The following CYFIP2 variants were observed in gnomAD, a reference collection of about 807,000 sequenced individuals.
CYFIP2 encodes the protein cytoplasmic FMR1-interacting protein 2.
Under a neutral mutation model 158.7 loss-of-function variants are expected in CYFIP2, and 29 were observed. The ratio of observed to expected loss-of-function variants is 0.18; its 90% CI spans 0.14 to 0.25. CYFIP2 has a LOEUF of 0.25. Ranked by LOEUF, CYFIP2 falls within the 10% of genes least tolerant of loss-of-function variation. The probability of loss-of-function intolerance (pLI) is 1.00; values close to 1 mark genes in which losing one functional copy is unlikely to be tolerated. For synonymous variants in CYFIP2, 585 were observed against 617.6 expected (o/e 0.95, Z 0.78); for missense variants, 852 against 1,639.5 (o/e 0.52, Z 8.29).
chr5:157,367,751 CTT>C (rs373446663), intron 26 of CYFIP2, among the ~76,000 whole-genome samples: 61 of 123,564 alleles, frequency 4.9e-4, no homozygotes, highest in Middle Eastern at 4.8e-3. Context: ...CCTCTGTTCA[CTT>C]TTTTTTTTTT....
rs190803439 is a variant in CYFIP2, at chr5:157,299,048, G to A, written c.388-1667G>A. On this transcript the variant is annotated intron_variant, in intron 5 of 30. Coordinates refer to ENST00000620254, the MANE Select transcript of CYFIP2 (RefSeq NM_001037333.3). ...TCGTTCACGTACAAGTATTTGTGTG[G>A]ACGTATGTTTTCATGTCTCTCAAGT... Among the ~76,000 whole-genome samples, 925 of 152,236 alleles carry A rather than the reference G, an allele frequency of 6.1e-3. 8 individuals carry two copies. The highest frequency in any genetic ancestry group is 0.011 in the Admixed American group (167 of 15,292).
At chr5:157,267,939 G>C (rs1252795400) in intron 1 of CYFIP2, among the ~76,000 whole-genome samples, 1 of 152,238 alleles carries the variant, frequency 6.6e-6, no homozygotes, top group Non-Finnish European at 1.5e-5. Context: ...GAGTGTGTAT[G>C]CATGCATGTG....
intron 22 of CYFIP2, 117 bp from the exon 23 acceptor site, chr5:157,340,953 G>C: frequency 1.2e-6 from 1 of 854,462 alleles, no homozygotes; most frequent in South Asian, 1.4e-5. Context: ...CTAACAAACA[G>C]TGCACTTGTA....
chr5:157,309,267 G>A (rs146024965), intron 9 of CYFIP2, among the ~76,000 whole-genome samples: 22 of 152,302 alleles, frequency 1.4e-4, no homozygotes, highest in South Asian at 2.1e-4. Context: ...GTTTTTGGTC[G>A]GGAGTTGTTT....
At chr5:157,312,315 CT>C (rs1364934965) in intron 11 of CYFIP2, among the ~76,000 whole-genome samples, 4 of 151,520 alleles carry the variant, frequency 2.6e-5, no homozygotes, top group Non-Finnish European at 5.9e-5. Flanking sequence ...TTAATTTTTC[CT>C]TTTTTAAAAA....
rs368529367 is a variant in CYFIP2, at chr5:157,383,274, G to A, written c.3122G>A (p.Arg1041His). 8 of 1,613,632 alleles carry A rather than the reference G, an allele frequency of 5.0e-6. No individual in the cohort carries two copies. The highest frequency in any genetic ancestry group is 2.2e-5 in the East Asian group (1 of 44,896). ...GCGACTCCTTTTGCAGAGGGGGAGC[G>A]CCTGGAGGTCCGGATGAAACGTCTG... ...LPRVYIKEGERLEVRMKRLEA... is the reference protein window; with the variant it reads ...LPRVYIKEGEHLEVRMKRLEA... The change falls in exon 28 of 31, where the codon CGC (arginine) becomes CAC (histidine). Residue 1041 changes from arginine (R) to histidine (H), a missense_variant. Around this residue, in one of 8 missense-constraint regions of CYFIP2, gnomAD observed 223 missense variants for 381.6 expected, o/e 0.58. Coordinates refer to ENST00000620254, the MANE Select transcript of CYFIP2 (RefSeq NM_001037333.3).
chr5:157,333,161 G>C (rs1052932314), intron 20 of CYFIP2, among the ~76,000 whole-genome samples, 166 bp from the exon 21 acceptor site: 3 of 152,116 alleles, frequency 2.0e-5, no homozygotes, highest in African/African-American at 7.2e-5. Flanking sequence ...ACTTCCCGAG[G>C]CTCCACCTCA....
rs766552634 is a variant in CYFIP2 at position 157,392,920 on chromosome 5, G to A, written c.3682G>A (p.Val1228Met). 1.2e-5 allele frequency: 19 copies of A among 1,613,966 alleles called. No homozygotes were observed. Among genetic ancestry groups the A allele is most frequent in the Non-Finnish European group, 1.4e-5 (17 of 1,179,890 alleles). Reference protein sequence around the residue: ...FAILNKYMKSVETDSSTVEHV... With the variant: ...FAILNKYMKSMETDSSTVEHV... ...CATCCTGAACAAATACATGAAGTCCGTGGAGACAGACAGTTCCACTGTGGA... is the reference window on the plus strand; with the variant it reads ...CATCCTGAACAAATACATGAAGTCCATGGAGACAGACAGTTCCACTGTGGA... The change falls in exon 31 of 31, where the codon GTG (valine) becomes ATG (methionine). Residue 1228 changes from valine (V) to methionine (M), a missense_variant. By Grantham distance (21) the Val-to-Met change is conservative. Transcript: ENST00000620254.
intron 5 of CYFIP2, among the ~76,000 whole-genome samples, chr5:157,299,446 T>G (rs1385278120): frequency 6.6e-6 from 1 of 152,256 alleles, no homozygotes; most frequent in East Asian, 1.9e-4. Context: ...CAGCTTCTTT[T>G]CCTGCAAGTC....
chr5:157,384,348 A>G (rs1766432918), intron 28 of CYFIP2: 1 of 456,628 alleles, frequency 2.2e-6, no homozygotes, highest in Non-Finnish European at 4.4e-6. Flanking sequence ...CAGGGGAAGA[A>G]TTCTAGAAGA....
intron 21 of CYFIP2, among the ~76,000 whole-genome samples, chr5:157,338,436 T>G (rs1762010919): frequency 6.6e-6 from 1 of 152,258 alleles, no homozygotes; most frequent in South Asian, 2.1e-4. Flanking sequence ...TGGTTAAGAA[T>G]GTGCACTTGG....
intron 5 of CYFIP2, among the ~76,000 whole-genome samples, chr5:157,299,586 T>G (rs576090378): frequency 3.9e-5 from 6 of 152,332 alleles, no homozygotes; most frequent in Non-Finnish European, 7.3e-5. Flanking sequence ...ATGTATTGTT[T>G]TCTGTCTTCT....
chr5:157,387,367 A>G (rs1766802240), intron 28 of CYFIP2, among the ~76,000 whole-genome samples: 1 of 152,218 alleles, frequency 6.6e-6, no homozygotes, highest in Admixed American at 6.5e-5. Context: ...GGGGCACCAG[A>G]GTTCAAAGTC....
chr5:157,320,297 A>G (rs984020783), intron 14 of CYFIP2, among the ~76,000 whole-genome samples: 2 of 152,202 alleles, frequency 1.3e-5, no homozygotes, highest in African/African-American at 4.8e-5. Flanking sequence ...TATTATGAAA[A>G]CTAAGCACAC....
Position 157,319,809 on chromosome 5 carries a change from G to A in CYFIP2, c.1404G>A (p.Glu468=), listed in dbSNP as rs971284726. The part of the protein sequence containing the change: ...KGLQVLMGRM[E]SVFNQAIRNT... ...TGCAGGTGCTCATGGGCAGGATGGAGAGCGTCTTCAACCAGGCCATCAGGA... is the reference window on the plus strand; with the variant it reads ...TGCAGGTGCTCATGGGCAGGATGGAAAGCGTCTTCAACCAGGCCATCAGGA... Residue 468 remains glutamate (E), a synonymous_variant, in exon 14 of 31, where the codon GAG becomes GAA. Coordinates refer to ENST00000620254, the MANE Select transcript of CYFIP2 (RefSeq NM_001037333.3). The A allele has an allele frequency of 3.1e-6, 5 of 1,614,028 alleles. No individual in the cohort carries two copies. The African/African-American group carries it at 6.7e-5, about 22-fold the overall frequency.
At chr5:157,317,805 ACTC>A (rs1282816817) in intron 13 of CYFIP2, among the ~76,000 whole-genome samples, 2 of 151,342 alleles carry the variant, frequency 1.3e-5, no homozygotes, top group African/African-American at 4.9e-5. Context: ...AAAATGTAAA[ACTC>A]CTTACAAAAT....
intron 15 of CYFIP2, chr5:157,322,880 C>A: frequency 7.0e-7 from 1 of 1,430,560 alleles, no homozygotes; most frequent in Non-Finnish European, 9.5e-7. Flanking sequence ...TTCTCTCTCT[C>A]CCTCTTCCCT....
In CYFIP2 at chr5:157,339,256, G is replaced by A; in HGVS notation, c.2585G>A (p.Arg862His). ...PNYCYNGSTN[R>H]FVRTAIPFTQ... ...TACTGCTACAATGGGTCCACTAACC[G>A]GTAAGGGAGTCCCTGTGCAGAGGGG... Residue 862 changes from arginine (R) to histidine (H), a missense_variant and splice_region_variant, in exon 22 of 31, where the codon CGT becomes CAT. Arg to His is a conservative substitution (Grantham distance 29, BLOSUM62 0). Coordinates refer to ENST00000620254, the MANE Select transcript of CYFIP2 (RefSeq NM_001037333.3). 1.2e-6 allele frequency: 2 copies of A among 1,613,560 alleles called. No individual in the cohort carries two copies. Among genetic ancestry groups the A allele is most frequent in the Non-Finnish European group, 1.7e-6 (2 of 1,179,670 alleles).
intron 15 of CYFIP2, among the ~76,000 whole-genome samples, chr5:157,323,349 G>A (rs929536966): frequency 6.6e-6 from 1 of 152,198 alleles, no homozygotes; most frequent in Non-Finnish European, 1.5e-5. Context: ...CTGAGGGTCA[G>A]GAACAGGTGT....
Sources: allele counts gnomAD v4.1 joint callset (sites outside exome capture counted in the v4.1 genomes callset), GRCh38; gene constraint gnomAD v4.1.1; regional missense constraint gnomAD v4.1.1; transcripts MANE v1.5; gene names NCBI Gene and HGNC (gene_info 2026-07-23, HGNC 2026-07-21).